The following LRRTM4 variants were observed in gnomAD, a reference collection of about 807,000 sequenced individuals.
LRRTM4 encodes leucine-rich repeat transmembrane neuronal protein 4.
Under a neutral mutation model 47.6 loss-of-function variants are expected in LRRTM4, and 25 were observed. That is an observed-to-expected ratio of 0.53 (90% CI 0.38 to 0.73). The LOEUF is 0.73. Among genes scored for constraint, LRRTM4 ranks in the 30% least tolerant of loss-of-function variants. The pLI is 0.00. For synonymous variants in LRRTM4, 311 were observed against 269.5 expected (o/e 1.15, Z -1.51); for missense variants, 638 against 713.4 (o/e 0.89, Z 1.20).
rs1280290125 is a variant in LRRTM4 at position 77,350,360 on chromosome 2, A to AG, written c.1551+167957_1551+167958insC. On this transcript the variant is annotated intron_variant, in intron 3 of 3. Transcript: ENST00000409884. ...AAAAAAAAAAAAAAAAAAAAAAAAA[A>AG]AAAGAAATTGGAAATGCTGAGGTGT... Among the ~76,000 whole-genome samples the AG allele has an allele frequency of 6.1e-3, 879 of 143,700 alleles. 32 individuals are homozygous for AG. Among genetic ancestry groups the AG allele is most frequent in the African/African-American group, 0.024 (841 of 35,700 alleles). The allele number at this position is 143,700 out of a possible 152,430, so 94.3% of individuals were successfully genotyped here.
chr2:77,403,140 A>G (rs528320340), intron 3 of LRRTM4, among the ~76,000 whole-genome samples: 1 of 152,036 alleles, frequency 6.6e-6, no homozygotes, highest in African/African-American at 2.4e-5. Flanking sequence ...AATGTCTCCC[A>G]GTTAACATCA....
Position 76,779,608 on chromosome 2 carries a change from G to T in LRRTM4, c.1552-30692C>A, listed in dbSNP as rs373302975. On this transcript the variant is annotated intron_variant, in intron 3 of 3. Transcript: ENST00000409884. ...CCCCTGCCTTTTTTTGTTTTCCATT[G>T]GCTTGGTAGATCTTCCTCCATCCTT... Among the ~76,000 whole-genome samples, 79 of 147,610 alleles carry T rather than the reference G, an allele frequency of 5.4e-4. No homozygotes were observed. In the East Asian group the frequency reaches 5.8e-3, roughly 11 times the overall value.
At chr2:76,889,655 A>G (rs1673188087) in intron 3 of LRRTM4, among the ~76,000 whole-genome samples, 2 of 152,138 alleles carry the variant, frequency 1.3e-5, no homozygotes, top group South Asian at 4.1e-4. Context: ...TCCAATTAGC[A>G]AGAAGAAGGA....
chr2:77,075,943 A>AAAAAAAT (rs60802639), intron 3 of LRRTM4, among the ~76,000 whole-genome samples: 3 of 144,238 alleles, frequency 2.1e-5, no homozygotes, highest in Non-Finnish European at 4.5e-5. Context: ...AAAAAAAAAA[A>AAAAAAAT]TGGGATGAAG....
chr2:76,849,184 G>A (rs1671921497), intron 3 of LRRTM4, among the ~76,000 whole-genome samples: 1 of 152,026 alleles, frequency 6.6e-6, no homozygotes, highest in African/African-American at 2.4e-5. Flanking sequence ...TAATGTGGGG[G>A]GTGACAGTGC....
intron 3 of LRRTM4, among the ~76,000 whole-genome samples, chr2:77,369,241 G>A (rs574622264): frequency 8.6e-5 from 13 of 151,370 alleles, no homozygotes; most frequent in African/African-American, 1.9e-4. Flanking sequence ...TGTAGGTTGC[G>A]TTTTCATTTT....
chr2:77,319,377 A>T (rs985301488), intron 3 of LRRTM4, among the ~76,000 whole-genome samples: 5 of 151,940 alleles, frequency 3.3e-5, no homozygotes, highest in Admixed American at 2.0e-4. Context: ...ACAAGAGCGA[A>T]ACTCCACATC....
intron 3 of LRRTM4, among the ~76,000 whole-genome samples, chr2:77,480,042 A>C (rs1263680254): frequency 6.6e-6 from 1 of 152,144 alleles, no homozygotes; most frequent in Non-Finnish European, 1.5e-5. Flanking sequence ...CACCATCTAG[A>C]GGAGGAAGGT....
intron 3 of LRRTM4, among the ~76,000 whole-genome samples, chr2:76,795,247 A>G (rs1675214592): frequency 7.0e-6 from 1 of 143,538 alleles, no homozygotes. Flanking sequence ...TGTACTTTAA[A>G]AATCATTTTT....
In LRRTM4 at chr2:77,497,556, A is replaced by G. The variant is rs76551732; in HGVS notation, c.1551+20762T>C. Among the ~76,000 whole-genome samples the G allele has an allele frequency of 7.3e-4, 110 of 151,590 alleles. 1 individual carries two copies. In the East Asian group the frequency reaches 0.02, roughly 27 times the overall value. On this transcript the variant is annotated intron_variant, in intron 3 of 3. Coordinates refer to ENST00000409884, the MANE Select transcript of LRRTM4 (RefSeq NM_001134745.3). Reference sequence around the variant, plus strand: ...TTTCTAGTTTCAAGACTTAAAGAAGACAAATATTAAGTCTACATCTACATC... The same window carrying G: ...TTTCTAGTTTCAAGACTTAAAGAAGGCAAATATTAAGTCTACATCTACATC...
intron 3 of LRRTM4, among the ~76,000 whole-genome samples, chr2:76,924,555 G>T (rs796406510): frequency 6.6e-6 from 1 of 151,472 alleles, no homozygotes; most frequent in Non-Finnish European, 1.5e-5. Flanking sequence ...GAAGGTGGTA[G>T]AAGAATAAAT....
intron 3 of LRRTM4, among the ~76,000 whole-genome samples, chr2:76,958,225 C>A (rs1237054320): frequency 6.6e-6 from 1 of 151,704 alleles, no homozygotes; most frequent in Non-Finnish European, 1.5e-5. Context: ...CATAATAATG[C>A]CAAATTTACT....
At chr2:77,289,476 G>C (rs1489293908) in intron 3 of LRRTM4, among the ~76,000 whole-genome samples, 3 of 152,000 alleles carry the variant, frequency 2.0e-5, no homozygotes, top group African/African-American at 7.2e-5. Context: ...TCATAACCCT[G>C]ATTAACATTT....
At chr2:77,316,675 G>C (rs1250340199) in intron 3 of LRRTM4, among the ~76,000 whole-genome samples, 1 of 151,838 alleles carries the variant, frequency 6.6e-6, no homozygotes, top group Admixed American at 6.6e-5. Flanking sequence ...AGTCTCCTGG[G>C]TAGCTGGGAT....
intron 3 of LRRTM4, among the ~76,000 whole-genome samples, chr2:77,036,626 T>A (rs1476438960): frequency 6.6e-6 from 1 of 151,742 alleles, no homozygotes; most frequent in Non-Finnish European, 1.5e-5. Flanking sequence ...TATTACGTAT[T>A]CTGTGGAATA....
chr2:76,959,619 C>T (rs934997759), intron 3 of LRRTM4, among the ~76,000 whole-genome samples: 1 of 151,578 alleles, frequency 6.6e-6, no homozygotes, highest in African/African-American at 2.4e-5. Context: ...AAGACTTACT[C>T]CTATTGGAAA....
chr2:76,821,544 T>C (rs895194680), intron 3 of LRRTM4, among the ~76,000 whole-genome samples: 4 of 151,636 alleles, frequency 2.6e-5, no homozygotes, highest in Non-Finnish European at 5.9e-5. Context: ...ACCAGCTTGA[T>C]TGAAGACCCC....
intron 3 of LRRTM4, among the ~76,000 whole-genome samples, chr2:76,775,470 C>T (rs1673927339): frequency 1.3e-5 from 2 of 152,094 alleles, no homozygotes; most frequent in Admixed American, 6.5e-5. Context: ...ATCAAAAGAA[C>T]TCTAAAGGGC....
chr2:77,447,134 G>A (rs1398706222), intron 3 of LRRTM4, among the ~76,000 whole-genome samples: 5 of 151,910 alleles, frequency 3.3e-5, no homozygotes, highest in Non-Finnish European at 7.4e-5. Context: ...GGATATTTAT[G>A]GGAGAAGCTT....
Sources: gnomAD v4.1 joint callset for allele counts (sites outside exome capture counted in the v4.1 genomes callset) on GRCh38, gnomAD v4.1.1 for gene constraint, MANE v1.5 for transcripts, NCBI Gene and HGNC (gene_info 2026-07-23, HGNC 2026-07-21) for gene names.